The following FBXO34 variants were observed in gnomAD, a reference collection of about 807,000 sequenced individuals.
FBXO34 encodes F-box protein 34, also known as F-box only protein 34.
FBXO34 carries 12 observed loss-of-function variants against 24.5 expected under a neutral mutation model. That is an observed-to-expected ratio of 0.49 (90% confidence interval 0.31 to 0.79). FBXO34 has a LOEUF of 0.79. Ranked by LOEUF, FBXO34 falls within the 30% of genes least tolerant of loss-of-function variation. The pLI is 0.04. For synonymous variants in FBXO34, 320 were observed against 311.9 expected (o/e 1.03, Z -0.27); for missense variants, 823 against 857.7 (o/e 0.96, Z 0.51).
chr14:55,380,407 GA>G, the FBXO34 span, among the ~76,000 whole-genome samples: 42 of 152,228 alleles, frequency 2.8e-4, no homozygotes, highest in Admixed American at 7.2e-4. Context: ...ATAATGAAAC[GA>G]ATCTGCACAT....
the FBXO34 span, among the ~76,000 whole-genome samples, chr14:55,385,008 T>C: frequency 6.6e-6 from 1 of 152,228 alleles, no homozygotes; most frequent in Non-Finnish European, 1.5e-5. Flanking sequence ...GGGTTATCCA[T>C]GCACTACCGC....
At chr14:55,435,951 G>T in the FBXO34 span, 4 of 1,414,304 alleles carry the variant, frequency 2.8e-6, no homozygotes, top group South Asian at 1.3e-5. Context: ...AAATAAGTCA[G>T]TTTAGAAACT....
downstream of FBXO34, among the ~76,000 whole-genome samples, chr14:55,365,927 C>T (rs10146441): frequency 3.0e-4 from 46 of 152,248 alleles, no homozygotes; most frequent in African/African-American, 1.1e-3. Context: ...GCCGACTACC[C>T]ACCTGGGAGA....
At chr14:55,397,078 TCTA>T in the FBXO34 span, among the ~76,000 whole-genome samples, 1 of 152,182 alleles carries the variant, frequency 6.6e-6, no homozygotes, top group Non-Finnish European at 1.5e-5. Context: ...CTAATTTAAG[TCTA>T]CTAATCATGC....
At position 55,321,785 on chromosome 14, in the gene FBXO34, A is replaced by G. The variant is rs114630466; in HGVS notation, c.-10-28596A>G. ...TCTGTCGAATGGAGAAAGTGAATCA[A>G]TACCTATTTGCCTCTTATGTCCATT... is the stretch of plus-strand genomic sequence containing the variant. On this transcript the variant is annotated intron_variant, in intron 1 of 1. Transcript: ENST00000313833. Among the ~76,000 whole-genome samples, 820 of 152,334 alleles carry G rather than the reference A, an allele frequency of 5.4e-3. 10 individuals carry two copies. Among genetic ancestry groups the G allele is most frequent in the African/African-American group, 0.018 (741 of 41,576 alleles).
chr14:55,396,496 T>C, the FBXO34 span, among the ~76,000 whole-genome samples: 1 of 152,354 alleles, frequency 6.6e-6, no homozygotes, highest in South Asian at 2.1e-4. Flanking sequence ...ATGAATGTGT[T>C]TATCAGACCA....
intron 1 of FBXO34, among the ~76,000 whole-genome samples, chr14:55,286,481 T>C (rs1296712585): frequency 6.6e-6 from 1 of 152,142 alleles, no homozygotes; most frequent in African/African-American, 2.4e-5. Context: ...CTGCTCAGTT[T>C]ACTTACCAAA....
At chr14:55,328,034 C>A (rs1164300919) in intron 1 of FBXO34, among the ~76,000 whole-genome samples, 1 of 147,722 alleles carries the variant, frequency 6.8e-6, no homozygotes. Context: ...AAGCAGTTCT[C>A]CTGCCTCCGC....
chr14:55,299,352 C>A, intron 1 of FBXO34: 2 of 404,824 alleles, frequency 4.9e-6, no homozygotes, highest in South Asian at 4.1e-5. Flanking sequence ...CATTGCTGCT[C>A]GCTCTCTGCA....
At chr14:55,437,095 G>A in the FBXO34 span, 1 of 1,222,790 alleles carries the variant, frequency 8.2e-7, no homozygotes, top group Non-Finnish European at 1.2e-6. Flanking sequence ...TGTCACTATG[G>A]CAGGCAGGCA....
At chr14:55,385,090 G>GC in the FBXO34 span, among the ~76,000 whole-genome samples, 1 of 152,180 alleles carries the variant, frequency 6.6e-6, no homozygotes, top group Non-Finnish European at 1.5e-5. Context: ...AAAAGGCTAA[G>GC]CCAACATGTA....
intron 3 of FBXO34, among the ~76,000 whole-genome samples, chr14:55,361,450 T>C (rs556807700): frequency 5.3e-5 from 8 of 152,338 alleles, no homozygotes; most frequent in South Asian, 4.1e-4. Context: ...GCATAATTCT[T>C]AACAGGCCTA....
At chr14:55,419,133 T>TTA in the FBXO34 span, among the ~76,000 whole-genome samples, 3 of 152,248 alleles carry the variant, frequency 2.0e-5, no homozygotes, top group Admixed American at 1.3e-4. Flanking sequence ...CACACAGGTG[T>TTA]TATTGTAGAC....
At chr14:55,295,883 A>G (rs1882104090) in intron 1 of FBXO34, among the ~76,000 whole-genome samples, 1 of 152,256 alleles carries the variant, frequency 6.6e-6, no homozygotes, top group Non-Finnish European at 1.5e-5. Context: ...GGAACAGCTT[A>G]GTGGAACAGT....
intron 1 of FBXO34, among the ~76,000 whole-genome samples, chr14:55,291,442 T>C (rs11625001): frequency 0.4 from 60,169 of 151,978 alleles, 12,167 homozygotes; most frequent in Non-Finnish European, 0.43. Context: ...TAGCAGAAGA[T>C]TGATGGTTAA....
intron 1 of FBXO34, chr14:55,285,275 C>T (rs1369388619): frequency 1.4e-5 from 2 of 141,130 alleles, no homozygotes; most frequent in Non-Finnish European, 1.6e-5. Flanking sequence ...TGGGCTGATT[C>T]AGAAGAATGG....
chr14:55,390,877 T>A, the FBXO34 span: 1 of 1,456,074 alleles, frequency 6.9e-7, no homozygotes, highest in Non-Finnish European at 9.5e-7. Context: ...ATAGGCACTT[T>A]CTAGGGCTGG....
In FBXO34 at chr14:55,352,591, C is replaced by G; in HGVS notation, c.*65C>G. The stretch of plus-strand genomic sequence containing the variant: ...CTGCAAAACACCTAGATACACCGTT[C>G]AAATGAGCGTAGCCCCCTGAGTCAT... On this transcript the variant is annotated 3_prime_UTR_variant, in exon 2 of 2. Coordinates refer to ENST00000313833, the MANE Select transcript of FBXO34 (RefSeq NM_017943.4). 7.5e-7 allele frequency: 1 copy of G among 1,326,632 alleles called. No individual in the cohort carries two copies. Among genetic ancestry groups the G allele is most frequent in the South Asian group, 1.5e-5 (1 of 68,300 alleles). 82.2% of individuals were successfully genotyped at this position (1,326,632 alleles called of 1,614,324 possible).
chr14:55,383,700 G>C, the FBXO34 span, among the ~76,000 whole-genome samples: 1 of 151,760 alleles, frequency 6.6e-6, no homozygotes, highest in Non-Finnish European at 1.5e-5. Context: ...GCTCACGAAT[G>C]GTGCTATAAT....
Sources: gnomAD v4.1 joint callset for allele counts (sites outside exome capture counted in the v4.1 genomes callset) on GRCh38, gnomAD v4.1.1 for gene constraint, MANE v1.5 for transcripts, NCBI Gene and HGNC (gene_info 2026-07-23, HGNC 2026-07-21) for gene names.